ZNF516: variants seen among roughly 807,000 people sequenced by gnomAD.
ZNF516 encodes the protein zinc finger protein 516.
In ZNF516, 19 loss-of-function variants were observed where a neutral mutation model predicts 79.7. The ratio of observed to expected loss-of-function variants is 0.24; its 90% CI spans 0.17 to 0.35. The LOEUF is 0.35. ZNF516 is among the 10% of genes least tolerant of loss of function. ZNF516 has a pLI of 1.00. For synonymous variants in ZNF516, 877 were observed against 739.5 expected (o/e 1.19, Z -3.02); for missense variants, 1,678 against 1,679.5 (o/e 1.00, Z 0.02).
chr18:76,490,180 TG>T (rs1915082182), intron 1 of ZNF516: 2 of 985,386 alleles, frequency 2.0e-6, no homozygotes, highest in African/African-American at 3.5e-5. Context: ...AAGATGGCCA[TG>T]GGGGTCACTC....
chr18:76,479,945 CT>C (rs1914404464), intron 1 of ZNF516, among the ~76,000 whole-genome samples: 1 of 152,180 alleles, frequency 6.6e-6, no homozygotes, highest in African/African-American at 2.4e-5. Flanking sequence ...AGCAATGTAC[CT>C]TCCCCCTTAG....
chr18:76,418,059 CTG>C (rs1468041437), intron 3 of ZNF516, among the ~76,000 whole-genome samples: 6 of 152,220 alleles, frequency 3.9e-5, no homozygotes, highest in African/African-American at 1.4e-4. Flanking sequence ...AGCCCCACAA[CTG>C]TGTTTCCCCA....
chr18:76,397,300 A>T (rs1021130224), intron 3 of ZNF516, among the ~76,000 whole-genome samples: 11 of 152,214 alleles, frequency 7.2e-5, no homozygotes, highest in African/African-American at 2.7e-4. Context: ...CTATGGCCAG[A>T]AAAGTTTCTT....
At chr18:76,388,117 C>T (rs2075019764) in intron 3 of ZNF516, 2 of 152,268 alleles carry the variant, frequency 1.3e-5, no homozygotes, top group African/African-American at 4.8e-5. Flanking sequence ...CCCACTCCAT[C>T]CCCTTTCCAG....
rs2074860612 is a variant in ZNF516 at position 76,379,888 on chromosome 18, A to T, written c.2226T>A (p.Asp742Glu). 1 of 1,613,810 alleles carries T rather than the reference A, an allele frequency of 6.2e-7. No homozygotes were observed. Among genetic ancestry groups the T allele is most frequent in the Non-Finnish European group, 8.5e-7 (1 of 1,179,912 alleles). Residue 742 changes from aspartate to glutamate, a missense_variant, in exon 4 of 7, where the codon GAT becomes GAA. Coordinates refer to ENST00000443185, the MANE Select transcript of ZNF516 (RefSeq NM_014643.4). ...PLDLSARSTR[D>E]DPSNKETASS... is the part of the protein sequence containing the mutation. The stretch of plus-strand genomic sequence containing the variant: ...AGGCCGTCTCCTTATTGCTGGGGTC[A>T]TCCCGCGTCGACCTCGCACTTAAAT...
chr18:76,437,572 G>A (rs1167008498), intron 3 of ZNF516, among the ~76,000 whole-genome samples: 1 of 151,772 alleles, frequency 6.6e-6, no homozygotes, highest in East Asian at 1.9e-4. Flanking sequence ...AAAAACAGTT[G>A]AACACAATGG....
chr18:76,415,531 C>T (rs1225377358), intron 3 of ZNF516, among the ~76,000 whole-genome samples: 1 of 152,074 alleles, frequency 6.6e-6, no homozygotes, highest in East Asian at 1.9e-4. Context: ...CAGCTCTCAG[C>T]GGTGGCCATG....
At chr18:76,363,248 A>C (rs2074564441) in intron 6 of ZNF516, among the ~76,000 whole-genome samples, 1 of 152,250 alleles carries the variant, frequency 6.6e-6, no homozygotes. Flanking sequence ...TGGCCAGATT[A>C]ATCTTACTTA....
chr18:76,448,143 T>C (rs1039922843), intron 2 of ZNF516, among the ~76,000 whole-genome samples: 1 of 152,172 alleles, frequency 6.6e-6, no homozygotes, highest in Non-Finnish European at 1.5e-5. Context: ...GTAGAAAATA[T>C]GTAGCTACAT....
intron 3 of ZNF516, among the ~76,000 whole-genome samples, chr18:76,420,738 T>A (rs1032513599): frequency 6.6e-6 from 1 of 152,200 alleles, no homozygotes; most frequent in South Asian, 2.1e-4. Flanking sequence ...TCATATTCTA[T>A]ATATATAAAA....
At chr18:76,486,646 C>A (rs892060136) in intron 1 of ZNF516, among the ~76,000 whole-genome samples, 2 of 151,556 alleles carry the variant, frequency 1.3e-5, no homozygotes, top group African/African-American at 4.9e-5. Flanking sequence ...ACCAGCAACT[C>A]CCCAGGGCGG....
At chr18:76,382,423 T>G (rs1475080426) in intron 3 of ZNF516, among the ~76,000 whole-genome samples, 2 of 152,128 alleles carry the variant, frequency 1.3e-5, no homozygotes, top group East Asian at 3.9e-4. Context: ...AATACAGATT[T>G]CTGAACACAC....
In ZNF516 at chr18:76,488,841, A is replaced by AT. The variant is rs1914992018; in HGVS notation, c.-272+6302dup. Among the ~76,000 whole-genome samples, 8 of 152,370 alleles carry AT rather than the reference A, an allele frequency of 5.3e-5. No homozygotes were observed. In the South Asian group the frequency reaches 1.7e-3, roughly 32 times the overall value. On this transcript the variant is annotated intron_variant, in intron 1 of 6. Coordinates refer to ENST00000443185, the MANE Select transcript of ZNF516 (RefSeq NM_014643.4). Reference sequence around the variant, plus strand: ...GAAAGCTGATATGTGTTTCCTGCACATTTAATAGCAATGCCTTCTTCAGTT... The same window carrying AT: ...GAAAGCTGATATGTGTTTCCTGCACATTTTAATAGCAATGCCTTCTTCAGTT...
At chr18:76,444,476 G>C (rs921980329) in intron 2 of ZNF516, among the ~76,000 whole-genome samples, 1 of 152,174 alleles carries the variant, frequency 6.6e-6, no homozygotes, top group African/African-American at 2.4e-5. Context: ...AAGAACTCCT[G>C]CTTAAACATC....
intron 3 of ZNF516, among the ~76,000 whole-genome samples, chr18:76,417,637 G>T (rs1216482571): frequency 6.6e-6 from 1 of 152,094 alleles, no homozygotes; most frequent in Non-Finnish European, 1.5e-5. Flanking sequence ...AACTTCAAAG[G>T]ATTTTTCTCC....
intron 3 of ZNF516, among the ~76,000 whole-genome samples, chr18:76,399,564 C>A (rs530515530): frequency 5.0e-4 from 76 of 152,348 alleles, no homozygotes; most frequent in Admixed American, 2.8e-3. Context: ...TAGTAACTGA[C>A]TTGAAAATGC....
chr18:76,457,184 T>A (rs1912783082), intron 2 of ZNF516, among the ~76,000 whole-genome samples: 1 of 152,256 alleles, frequency 6.6e-6, no homozygotes. Context: ...GATCTACAAA[T>A]GCTCCTTGCA....
At chr18:76,455,512 C>G (rs1912666660) in intron 2 of ZNF516, among the ~76,000 whole-genome samples, 1 of 152,328 alleles carries the variant, frequency 6.6e-6, no homozygotes, top group Non-Finnish European at 1.5e-5. Context: ...CTCAGGCCCA[C>G]CTAGGCCTCC....
rs2074521539 is a variant in ZNF516, at chr18:76,360,649, ATATATATATATATAT to A, written c.*1834_*1848del. 3.9e-4 allele frequency: 37 copies of A among 94,436 alleles called. 2 individuals are homozygous for A. The Admixed American group carries it at 4.2e-3, about 11-fold the overall frequency. The allele number at this position is 94,436 out of a possible 1,614,324, so 5.8% of individuals were successfully genotyped here. A position where few individuals can be genotyped will look rare whatever the true frequency, so the allele number is the denominator to read the frequency against. On this transcript the variant is annotated 3_prime_UTR_variant, in exon 7 of 7. Coordinates refer to ENST00000443185, the MANE Select transcript of ZNF516 (RefSeq NM_014643.4). ...AAAATAAGTAAAAAAAAAAAAAAAT[ATATATATATATATAT>A]ATATATATATATATAAGCTAGCCAG...
Sources: allele counts gnomAD v4.1 joint callset (sites outside exome capture counted in the v4.1 genomes callset), GRCh38; gene constraint gnomAD v4.1.1; transcripts MANE v1.5; gene names NCBI Gene and HGNC (gene_info 2026-07-23, HGNC 2026-07-21).